Variants in ATOSA observed in about 807,000 individuals in gnomAD.
ATOSA encodes atos homolog protein A.
the ATOSA span, among the ~76,000 whole-genome samples, chr15:52,698,121 C>T: frequency 1.1e-4 from 17 of 151,660 alleles, no homozygotes; most frequent in Non-Finnish European, 2.2e-4. Context: ...GGACTACAGG[C>T]GCGTGCCACC....
the ATOSA span, among the ~76,000 whole-genome samples, chr15:52,643,697 C>T: frequency 6.6e-6 from 1 of 151,740 alleles, no homozygotes; most frequent in Non-Finnish European, 1.5e-5. Context: ...AGGCGGATCA[C>T]AAGGTCAGGA....
the ATOSA span, among the ~76,000 whole-genome samples, chr15:52,671,800 C>T: frequency 2.6e-5 from 4 of 151,162 alleles, no homozygotes; most frequent in East Asian, 7.8e-4. Context: ...GGGAGAAAGG[C>T]TTTTTAGGCA....
the ATOSA span, among the ~76,000 whole-genome samples, chr15:52,589,934 C>T: frequency 6.6e-6 from 1 of 151,676 alleles, no homozygotes; most frequent in African/African-American, 2.4e-5. Context: ...ATTATAGGCG[C>T]CCACCATCAC....
chr15:52,601,269 T>C, the ATOSA span: 1 of 673,358 alleles, frequency 1.5e-6, no homozygotes, highest in South Asian at 2.0e-5. Flanking sequence ...ATCTTTGAAA[T>C]ATTACAACTT....
At chr15:52,702,827 A>C in the ATOSA span, among the ~76,000 whole-genome samples, 1 of 151,906 alleles carries the variant, frequency 6.6e-6, no homozygotes, top group African/African-American at 2.4e-5. Flanking sequence ...TGAATGGATA[A>C]TCACAAAAGA....
chr15:52,622,127 T>C, the ATOSA span, among the ~76,000 whole-genome samples: 1 of 152,180 alleles, frequency 6.6e-6, no homozygotes, highest in Non-Finnish European at 1.5e-5. Flanking sequence ...ATTACAGGCA[T>C]GAGCCACTGC....
At chr15:52,671,571 C>T in the ATOSA span, among the ~76,000 whole-genome samples, 1 of 152,050 alleles carries the variant, frequency 6.6e-6, no homozygotes, top group African/African-American at 2.4e-5. Context: ...GCTGTAGAGA[C>T]AGACAATAAA....
At chr15:52,606,796 A>G in the ATOSA span, among the ~76,000 whole-genome samples, 1 of 152,208 alleles carries the variant, frequency 6.6e-6, no homozygotes, top group Non-Finnish European at 1.5e-5. Flanking sequence ...TATAAACTGG[A>G]AACATGGCAA....
chr15:52,666,071 G>C, the ATOSA span, among the ~76,000 whole-genome samples: 2 of 152,146 alleles, frequency 1.3e-5, no homozygotes, highest in African/African-American at 2.4e-5. Flanking sequence ...TCTAATCACA[G>C]AATAGGAGCA....
At chr15:52,597,016 T>C in the ATOSA span, among the ~76,000 whole-genome samples, 1 of 152,124 alleles carries the variant, frequency 6.6e-6, no homozygotes, top group Non-Finnish European at 1.5e-5. Context: ...AAGATGAAAA[T>C]GACTGATCAG....
chr15:52,662,955 A>C, the ATOSA span, among the ~76,000 whole-genome samples: 1 of 152,206 alleles, frequency 6.6e-6, no homozygotes. Context: ...TAATTTTTAT[A>C]ACAGCGGGCG....
At chr15:52,655,484 G>A in the ATOSA span, among the ~76,000 whole-genome samples, 1 of 152,118 alleles carries the variant, frequency 6.6e-6, no homozygotes, top group Non-Finnish European at 1.5e-5. Context: ...AAAGTGAAAG[G>A]AGGTCGAAAA....
chr15:52,583,355 G>C, the ATOSA span, among the ~76,000 whole-genome samples: 1 of 152,028 alleles, frequency 6.6e-6, no homozygotes, highest in Non-Finnish European at 1.5e-5. Context: ...TTTCTAGTTT[G>C]GTAGGTATTC....
chr15:52,694,844 T>G, the ATOSA span, among the ~76,000 whole-genome samples: 7 of 152,128 alleles, frequency 4.6e-5, no homozygotes, highest in African/African-American at 1.7e-4. Context: ...AAATTTAAAT[T>G]TAAAATATGT....
At chr15:52,650,100 A>C in the ATOSA span, among the ~76,000 whole-genome samples, 1 of 152,232 alleles carries the variant, frequency 6.6e-6, no homozygotes, top group Admixed American at 6.5e-5. Flanking sequence ...TTAGAAAATA[A>C]AATTAGTAAT....
chr15:52,680,390 T>C, the ATOSA span, among the ~76,000 whole-genome samples: 1 of 152,194 alleles, frequency 6.6e-6, no homozygotes, highest in Non-Finnish European at 1.5e-5. Flanking sequence ...TAGATATAAT[T>C]TTGCATAAAA....
chr15:52,591,524 C>G, the ATOSA span, among the ~76,000 whole-genome samples: 1 of 152,132 alleles, frequency 6.6e-6, no homozygotes, highest in Non-Finnish European at 1.5e-5. Flanking sequence ...TGCTGGGATT[C>G]AGATATGAGC....
the ATOSA span, among the ~76,000 whole-genome samples, chr15:52,623,620 A>G: frequency 1.3e-5 from 2 of 152,128 alleles, no homozygotes; most frequent in African/African-American, 4.8e-5. Flanking sequence ...GTGCATGGTC[A>G]ATGGTCTCAA....
the ATOSA span, among the ~76,000 whole-genome samples, chr15:52,620,785 A>G: frequency 1.3e-5 from 2 of 152,072 alleles, no homozygotes; most frequent in East Asian, 3.9e-4. Context: ...TCATCTCTAC[A>G]AAAATTAGCC....
Sources: gnomAD v4.1 joint callset for allele counts (sites outside exome capture counted in the v4.1 genomes callset) on GRCh38, gnomAD v4.1.1 for gene constraint, MANE v1.5 for transcripts, NCBI Gene and HGNC (gene_info 2026-07-23, HGNC 2026-07-21) for gene names.